ST6GALNAC3: variants seen among roughly 807,000 people sequenced by gnomAD.
The protein encoded by ST6GALNAC3 is alpha-N-acetylgalactosaminide alpha-2,6-sialyltransferase 3.
In ST6GALNAC3, 25 loss-of-function variants were observed where a neutral mutation model predicts 32.7. The observed-to-expected ratio is 0.76, with a 90% CI of 0.56 to 1.07. The LOEUF (loss-of-function observed/expected upper bound fraction) is 1.07, where lower values mean the gene tolerates loss of function less well. ST6GALNAC3 is among the 50% of genes least tolerant of loss of function. The pLI is 0.00. For missense variants in ST6GALNAC3, 355 were observed against 382.4 expected, an observed-to-expected ratio of 0.93 and a Z score of 0.60; for synonymous variants, 129 against 133.1, an observed-to-expected ratio of 0.97 and a Z score of 0.21.
At position 76,137,279 on chromosome 1, in the gene ST6GALNAC3, C is replaced by T. The variant is rs140400321; in HGVS notation, c.18+62395C>T. ...TGAGTGTTTGCAGAGATTCTTGCCC[C>T]GATTTTCAGCACCCTCAGCTGTTAG... On this transcript the variant is annotated intron_variant, in intron 1 of 4. Transcript: ENST00000328299. Among the ~76,000 whole-genome samples, 365 of 152,294 alleles carry T rather than the reference C, an allele frequency of 2.4e-3. 1 individual carries two copies. Among genetic ancestry groups the T allele is most frequent in the African/African-American group, 8.1e-3 (338 of 41,558 alleles).
intron 3 of ST6GALNAC3, among the ~76,000 whole-genome samples, chr1:76,553,853 A>G (rs1664771003): frequency 6.6e-6 from 1 of 151,832 alleles, no homozygotes; most frequent in African/African-American, 2.4e-5. Context: ...TTGTAGAAAT[A>G]TGATTTTGAT....
intron 3 of ST6GALNAC3, among the ~76,000 whole-genome samples, chr1:76,440,763 G>T (rs779710845): frequency 2.8e-4 from 43 of 152,072 alleles, no homozygotes; most frequent in Non-Finnish European, 5.6e-4. Context: ...GATAAAAAAC[G>T]GATTTTTCTT....
chr1:76,178,757 AGTCG>A (rs1369031929), intron 1 of ST6GALNAC3, among the ~76,000 whole-genome samples: 2 of 152,208 alleles, frequency 1.3e-5, no homozygotes, highest in Non-Finnish European at 2.9e-5. Context: ...CTGAACTGTC[AGTCG>A]GTTCAGAGCA....
chr1:76,148,002 T>G (rs751336694), intron 1 of ST6GALNAC3, among the ~76,000 whole-genome samples: 2 of 152,208 alleles, frequency 1.3e-5, no homozygotes, highest in Non-Finnish European at 2.9e-5. Context: ...CATTCTGCCT[T>G]GTAGTAGAGT....
intron 1 of ST6GALNAC3, among the ~76,000 whole-genome samples, chr1:76,079,692 G>C (rs968042574): frequency 6.6e-6 from 1 of 152,180 alleles, no homozygotes; most frequent in African/African-American, 2.4e-5. Flanking sequence ...ATGATACCAA[G>C]TTAGGAACTT....
At chr1:76,546,601 A>T (rs569659051) in intron 3 of ST6GALNAC3, among the ~76,000 whole-genome samples, 2 of 152,332 alleles carry the variant, frequency 1.3e-5, no homozygotes, top group East Asian at 3.9e-4. Flanking sequence ...GCATTTGAAA[A>T]AGGCAAGGCA....
At position 76,568,996 on chromosome 1, in the gene ST6GALNAC3, C is replaced by G. The variant is rs561471105; in HGVS notation, c.624-58456C>G. Reference sequence around the variant, plus strand: ...GGGATGGCTTGTCTGTAGAAGCATCCCAGGCATACCGAATGGCGTACAAAA... The same window carrying G: ...GGGATGGCTTGTCTGTAGAAGCATCGCAGGCATACCGAATGGCGTACAAAA... On this transcript the variant is annotated intron_variant, in intron 3 of 4. Coordinates refer to ENST00000328299, the MANE Select transcript of ST6GALNAC3 (RefSeq NM_152996.4). 9.2e-5 allele frequency among the ~76,000 whole-genome samples: 14 copies of G among 152,116 alleles called. No individual in the cohort carries two copies. In the East Asian group the frequency reaches 2.5e-3, roughly 27 times the overall value.
chr1:76,181,469 G>T (rs1570339798), intron 1 of ST6GALNAC3, among the ~76,000 whole-genome samples: 1 of 150,712 alleles, frequency 6.6e-6, no homozygotes, highest in Non-Finnish European at 1.5e-5. Flanking sequence ...TCTTAAGCAA[G>T]TCATTAAAAT....
At chr1:76,487,098 G>C (rs1660172702) in intron 3 of ST6GALNAC3, among the ~76,000 whole-genome samples, 5 of 152,302 alleles carry the variant, frequency 3.3e-5, no homozygotes, top group Admixed American at 3.3e-4. Context: ...GAGATCAGCT[G>C]TTAGTCTGAT....
rs536729136 is a variant in ST6GALNAC3 at position 76,515,040 on chromosome 1, G to T, written c.623+102623G>T. The stretch of plus-strand genomic sequence containing the variant: ...TAATGCTGCCTCATAAAATTAGTTT[G>T]GAAGTATTTCCTAGTCTTCTATTTT... On this transcript the variant is annotated intron_variant, in intron 3 of 4. Transcript: ENST00000328299. Among the ~76,000 whole-genome samples, 3 of 152,180 alleles carry T rather than the reference G, an allele frequency of 2.0e-5. No homozygotes were observed. The South Asian group carries it at 6.2e-4, about 32-fold the overall frequency.
At chr1:76,477,812 GAC>G (rs1464000480) in intron 3 of ST6GALNAC3, among the ~76,000 whole-genome samples, 1 of 152,142 alleles carries the variant, frequency 6.6e-6, no homozygotes, top group Non-Finnish European at 1.5e-5. Flanking sequence ...TCATATGCCA[GAC>G]ACAGTTCTAA....
At chr1:76,369,352 G>A (rs1319620385) in intron 2 of ST6GALNAC3, among the ~76,000 whole-genome samples, 2 of 152,224 alleles carry the variant, frequency 1.3e-5, no homozygotes, top group East Asian at 3.9e-4. Flanking sequence ...TCTTCCACTT[G>A]CAGGTAGAAC....
At chr1:76,182,310 T>C (rs1289014234) in intron 1 of ST6GALNAC3, among the ~76,000 whole-genome samples, 1 of 152,162 alleles carries the variant, frequency 6.6e-6, no homozygotes, top group Non-Finnish European at 1.5e-5. Context: ...TAAGAGAGAT[T>C]TAAGAAGTAA....
At chr1:76,472,566 C>T (rs1476175483) in intron 3 of ST6GALNAC3, among the ~76,000 whole-genome samples, 1 of 152,128 alleles carries the variant, frequency 6.6e-6, no homozygotes. Flanking sequence ...CTCTGCTACT[C>T]ACTAGCTGCT....
intron 2 of ST6GALNAC3, among the ~76,000 whole-genome samples, chr1:76,388,752 T>C (rs1652292349): frequency 6.6e-6 from 1 of 152,178 alleles, no homozygotes; most frequent in East Asian, 1.9e-4. Flanking sequence ...CTGAATGTTT[T>C]TTCTGCCCAT....
At chr1:76,471,410 T>C (rs1465790465) in intron 3 of ST6GALNAC3, among the ~76,000 whole-genome samples, 1 of 152,190 alleles carries the variant, frequency 6.6e-6, no homozygotes, top group East Asian at 1.9e-4. Context: ...AAAATATGTT[T>C]TTCTACTTTG....
rs12098090 is a variant in ST6GALNAC3 at position 76,601,525 on chromosome 1, T to G, written c.624-25927T>G. ...AGGATTAAAGAAGAGGAAATTAAAT[T>G]GAAGGATAAAGAAAGAAAATTTAAA... On this transcript the variant is annotated intron_variant, in intron 3 of 4. Transcript: ENST00000328299. Among the ~76,000 whole-genome samples the G allele has an allele frequency of 6.5e-3, 994 of 152,276 alleles. 3 individuals carry two copies. Among genetic ancestry groups the G allele is most frequent in the African/African-American group, 0.022 (929 of 41,580 alleles).
At chr1:76,372,113 T>A (rs1315931065) in intron 2 of ST6GALNAC3, among the ~76,000 whole-genome samples, 1 of 152,150 alleles carries the variant, frequency 6.6e-6, no homozygotes, top group Non-Finnish European at 1.5e-5. Flanking sequence ...TATTTTGGCA[T>A]GTGAGACTAT....
At chr1:76,221,406 G>A (rs556628062) in intron 1 of ST6GALNAC3, among the ~76,000 whole-genome samples, 115 of 152,198 alleles carry the variant, frequency 7.6e-4, no homozygotes, top group Non-Finnish European at 1.3e-3. Context: ...TGAAGCTGTC[G>A]TATTCTATCA....
Sources: gnomAD v4.1 joint callset for allele counts (sites outside exome capture counted in the v4.1 genomes callset) on GRCh38, gnomAD v4.1.1 for gene constraint, MANE v1.5 for transcripts, NCBI Gene and HGNC (gene_info 2026-07-23, HGNC 2026-07-21) for gene names.